Variants in LOC400499 observed in about 807,000 individuals in gnomAD.
the LOC400499 span, among the ~76,000 whole-genome samples, chr16:11,468,277 AT>A: frequency 6.6e-6 from 1 of 152,158 alleles, no homozygotes; most frequent in Non-Finnish European, 1.5e-5. Context: ...TCTGCAGGAA[AT>A]TTGGGACATG....
At chr16:11,493,024 G>A in the LOC400499 span, among the ~76,000 whole-genome samples, 3 of 152,184 alleles carry the variant, frequency 2.0e-5, no homozygotes, top group South Asian at 2.1e-4. Flanking sequence ...GGCAAGAGAG[G>A]GTCACAAGTG....
At chr16:11,490,127 G>A in the LOC400499 span, among the ~76,000 whole-genome samples, 1 of 152,176 alleles carries the variant, frequency 6.6e-6, no homozygotes, top group Non-Finnish European at 1.5e-5. Flanking sequence ...GGACCCAGTG[G>A]CTCATCCCTG....
At chr16:11,411,639 C>T in the LOC400499 span, among the ~76,000 whole-genome samples, 754 of 152,206 alleles carry the variant, frequency 5.0e-3, 9 homozygotes, top group African/African-American at 0.018. Flanking sequence ...CCTCAGTTTC[C>T]CCATTGGTAT....
the LOC400499 span, chr16:11,477,945 T>G: frequency 2.5e-6 from 1 of 398,800 alleles, no homozygotes; most frequent in Non-Finnish European, 4.4e-6. Flanking sequence ...CCAGACACGG[T>G]GGGAAAGACC....
chr16:11,372,594 G>A, the LOC400499 span: 6 of 261,238 alleles, frequency 2.3e-5, no homozygotes, highest in Admixed American at 1.3e-4. Context: ...TTTGCAGCAC[G>A]TGCGGTTCTG....
At chr16:11,432,454 A>G in the LOC400499 span, among the ~76,000 whole-genome samples, 1 of 152,354 alleles carries the variant, frequency 6.6e-6, no homozygotes, top group Non-Finnish European at 1.5e-5. Flanking sequence ...TATACAGATG[A>G]GGAAACAGGT....
the LOC400499 span, among the ~76,000 whole-genome samples, chr16:11,505,445 C>CTTTTTTTTTT: frequency 1.4e-5 from 1 of 71,972 alleles, no homozygotes; most frequent in Non-Finnish European, 2.4e-5. Context: ...TTTTTCTTTT[C>CTTTTTTTTTT]TTTTTTTTTT....
At chr16:11,503,130 G>A in the LOC400499 span, among the ~76,000 whole-genome samples, 1 of 143,174 alleles carries the variant, frequency 7.0e-6, no homozygotes, top group Non-Finnish European at 1.5e-5. Context: ...CACCATGTTG[G>A]TCTCAAACTT....
the LOC400499 span, among the ~76,000 whole-genome samples, chr16:11,433,862 C>T: frequency 6.6e-6 from 1 of 152,232 alleles, no homozygotes; most frequent in Admixed American, 6.5e-5. Flanking sequence ...ATACCTTGCC[C>T]TATGCGTCTC....
chr16:11,453,632 C>T, the LOC400499 span, among the ~76,000 whole-genome samples: 13,210 of 151,860 alleles, frequency 0.087, 1,303 homozygotes, highest in East Asian at 0.29. Context: ...TCGAGGAAAT[C>T]GGCTCTTGAA....
chr16:11,380,471 T>A, the LOC400499 span, among the ~76,000 whole-genome samples: 1 of 152,044 alleles, frequency 6.6e-6, no homozygotes, highest in African/African-American at 2.4e-5. Flanking sequence ...TCCCAGCTAC[T>A]CGGGAGGCTG....
chr16:11,495,285 T>A, the LOC400499 span, among the ~76,000 whole-genome samples: 1 of 151,136 alleles, frequency 6.6e-6, no homozygotes, highest in Non-Finnish European at 1.5e-5. Context: ...CCAGCTACCC[T>A]CACTCCAGGG....
At chr16:11,399,245 G>C in the LOC400499 span, 3 of 984,976 alleles carry the variant, frequency 3.0e-6, no homozygotes, top group East Asian at 1.1e-4. Flanking sequence ...CCAGCATCTC[G>C]GGCCGTTCCC....
At chr16:11,448,704 G>C in the LOC400499 span, among the ~76,000 whole-genome samples, 1 of 151,986 alleles carries the variant, frequency 6.6e-6, no homozygotes, top group African/African-American at 2.4e-5. Context: ...TCCAGCCTGG[G>C]CAACAGAATG....
At chr16:11,488,767 C>G in the LOC400499 span, 1 of 398,874 alleles carries the variant, frequency 2.5e-6, no homozygotes, top group African/African-American at 2.1e-5. Context: ...GGTGGAACTC[C>G]TGGCTGAGGA....
At chr16:11,429,788 T>TA in the LOC400499 span, among the ~76,000 whole-genome samples, 1,037 of 142,964 alleles carry the variant, frequency 7.3e-3, 12 homozygotes, top group African/African-American at 0.025. Context: ...AGCAATAAAT[T>TA]TAAAAAAAAA....
At chr16:11,438,172 G>A in the LOC400499 span, among the ~76,000 whole-genome samples, 1 of 152,174 alleles carries the variant, frequency 6.6e-6, no homozygotes, top group Admixed American at 6.5e-5. Flanking sequence ...AACAGAGCCT[G>A]CCACGCAATC....
At chr16:11,521,936 G>A in the LOC400499 span, 18 of 399,062 alleles carry the variant, frequency 4.5e-5, no homozygotes, top group Non-Finnish European at 8.0e-5. Context: ...TCTCCCGGTT[G>A]CCCAAAGACA....
At chr16:11,488,421 G>A in the LOC400499 span, among the ~76,000 whole-genome samples, 1 of 152,100 alleles carries the variant, frequency 6.6e-6, no homozygotes, top group Non-Finnish European at 1.5e-5. Flanking sequence ...GTTGTTGTTT[G>A]TTTGTTTTGT....
Sources: gnomAD v4.1 joint callset for allele counts (sites outside exome capture counted in the v4.1 genomes callset) on GRCh38, gnomAD v4.1.1 for gene constraint, MANE v1.5 for transcripts.